The following GPC6 variants were observed in gnomAD, a reference collection of about 807,000 sequenced individuals.
GPC6 encodes the protein glypican-6.
A neutral mutation model predicts 55.2 loss-of-function variants in GPC6; 14 were observed. The observed-to-expected ratio is 0.25, with a 90% CI of 0.17 to 0.40. GPC6 has a LOEUF of 0.40. Ranked by LOEUF, GPC6 falls within the 10% of genes least tolerant of loss-of-function variation. GPC6 has a pLI of 1.00. For synonymous variants in GPC6, 278 were observed against 259.6 expected (o/e 1.07, Z -0.68); for missense variants, 641 against 708.5 (o/e 0.90, Z 1.08).
intron 1 of GPC6, among the ~76,000 whole-genome samples, chr13:93,412,204 G>A (rs1876527786): frequency 6.6e-6 from 1 of 152,010 alleles, no homozygotes; most frequent in African/African-American, 2.4e-5. Flanking sequence ...TAGCTTTATT[G>A]TACATATAAT....
At chr13:93,801,168 G>T (rs1886356202) in intron 2 of GPC6, among the ~76,000 whole-genome samples, 1 of 152,196 alleles carries the variant, frequency 6.6e-6, no homozygotes, top group Non-Finnish European at 1.5e-5. Flanking sequence ...TTTCTGGATT[G>T]AGTATCACAG....
intron 2 of GPC6, among the ~76,000 whole-genome samples, chr13:93,678,086 G>C (rs2138761112): frequency 1.3e-5 from 2 of 152,226 alleles, no homozygotes; most frequent in East Asian, 1.9e-4. Flanking sequence ...TTCTGTTTAT[G>C]TATCTGTTCA....
At chr13:93,334,664 A>AC (rs1420359840) in intron 1 of GPC6, among the ~76,000 whole-genome samples, 1 of 151,320 alleles carries the variant, frequency 6.6e-6, no homozygotes. Flanking sequence ...ACAGGGTTTC[A>AC]CCATCTTGGC....
intron 7 of GPC6, among the ~76,000 whole-genome samples, chr13:94,396,316 A>C (rs1026365901): frequency 3.3e-5 from 5 of 152,200 alleles, no homozygotes; most frequent in Admixed American, 6.5e-5. Context: ...ACGCACCCAG[A>C]TGGGTGCATG....
intron 1 of GPC6, among the ~76,000 whole-genome samples, chr13:93,328,293 G>A (rs746290068): frequency 1.5e-4 from 23 of 152,126 alleles, no homozygotes; most frequent in Admixed American, 3.3e-4. Flanking sequence ...GTGTATGTGT[G>A]TGTTATATTC....
intron 3 of GPC6, among the ~76,000 whole-genome samples, chr13:93,922,265 C>T (rs1262589767): frequency 6.6e-6 from 1 of 152,080 alleles, no homozygotes; most frequent in Non-Finnish European, 1.5e-5. Context: ...GCCTGGAACT[C>T]TCTCTAGTGG....
intron 1 of GPC6, among the ~76,000 whole-genome samples, chr13:93,541,333 A>G (rs1882290217): frequency 7.1e-6 from 1 of 140,636 alleles, no homozygotes; most frequent in South Asian, 2.4e-4. Flanking sequence ...AATTTCATCC[A>G]TGTCCCTACA....
At chr13:94,294,591 A>G (rs2139096755) in intron 5 of GPC6, among the ~76,000 whole-genome samples, 1 of 152,248 alleles carries the variant, frequency 6.6e-6, no homozygotes, top group Non-Finnish European at 1.5e-5. Flanking sequence ...TATGAACATT[A>G]TAGCCTTGAT....
At chr13:93,243,720 C>G (rs771134537) in intron 1 of GPC6, among the ~76,000 whole-genome samples, 1 of 152,160 alleles carries the variant, frequency 6.6e-6, no homozygotes, top group Non-Finnish European at 1.5e-5. Context: ...TGAGCGGGCT[C>G]AAGTCCTCCT....
chr13:93,335,728 G>T (rs1215967644), intron 1 of GPC6, among the ~76,000 whole-genome samples: 1 of 152,118 alleles, frequency 6.6e-6, no homozygotes, highest in African/African-American at 2.4e-5. Context: ...ATTTGTACCT[G>T]CTGACCTTCC....
intron 1 of GPC6, among the ~76,000 whole-genome samples, chr13:93,409,233 C>A (rs998739888): frequency 2.0e-5 from 3 of 151,704 alleles, no homozygotes; most frequent in South Asian, 2.1e-4. Context: ...TGCCAGCCAG[C>A]TGGCAGCTGC....
At chr13:93,809,554 C>A (rs866361788) in intron 2 of GPC6, among the ~76,000 whole-genome samples, 1 of 152,152 alleles carries the variant, frequency 6.6e-6, no homozygotes, top group Non-Finnish European at 1.5e-5. Flanking sequence ...CTTCTTGTCC[C>A]CCATCAGTTT....
At position 93,934,196 on chromosome 13, in the gene GPC6, A is replaced by G. The variant is rs949695742; in HGVS notation, c.712-93533A>G. 1.2e-4 allele frequency among the ~76,000 whole-genome samples: 19 copies of G among 152,268 alleles called. No individual in the cohort carries two copies. The South Asian group carries it at 2.9e-3, about 23-fold the overall frequency. On this transcript the variant is annotated intron_variant, in intron 3 of 8. Transcript: ENST00000377047. ...ATCCCATAGCCTTGTGCTATTCAGT[A>G]TGATAGCCATTCGCCACATGTAGTT...
chr13:93,330,981 T>C (rs967538371), intron 1 of GPC6, among the ~76,000 whole-genome samples: 2 of 152,192 alleles, frequency 1.3e-5, no homozygotes, highest in Non-Finnish European at 2.9e-5. Flanking sequence ...GGGGAAGTAA[T>C]CATGTTTGCT....
chr13:94,055,315 A>G (rs908515438), intron 4 of GPC6, among the ~76,000 whole-genome samples: 2 of 152,200 alleles, frequency 1.3e-5, no homozygotes, highest in African/African-American at 4.8e-5. Context: ...ATAATATTGC[A>G]AACTGTGGTC....
intron 1 of GPC6, among the ~76,000 whole-genome samples, chr13:93,462,344 A>G (rs1167657694): frequency 2.0e-5 from 3 of 152,256 alleles, no homozygotes; most frequent in Non-Finnish European, 2.9e-5. Flanking sequence ...CTATCACACC[A>G]AATTACCAGT....
chr13:93,530,807 T>C (rs1881838560), intron 1 of GPC6, among the ~76,000 whole-genome samples: 1 of 152,172 alleles, frequency 6.6e-6, no homozygotes, highest in Non-Finnish European at 1.5e-5. Flanking sequence ...AAATACTACA[T>C]AGAAGACACT....
intron 3 of GPC6, among the ~76,000 whole-genome samples, chr13:93,900,279 T>TA (rs1291467653): frequency 6.6e-6 from 1 of 152,096 alleles, no homozygotes; most frequent in Non-Finnish European, 1.5e-5. Flanking sequence ...TTGGGGCACA[T>TA]AAAAAAAGCC....
chr13:94,027,826 G>C lies in GPC6; in HGVS notation c.809G>C (p.Cys270Ser). 1 of 1,614,072 alleles carries C rather than the reference G, an allele frequency of 6.2e-7. No homozygotes were observed. The highest frequency in any genetic ancestry group is 8.5e-7 in the Non-Finnish European group (1 of 1,179,984). ...ACTGTGAGGCCCTGCAACAACTACT[G>C]TCTCAACGTCATGAAGGGCTGCTTG... ...LPTVRPCNNY[C>S]LNVMKGCLAN... The change falls in exon 4 of 9, where the codon TGT becomes TCT. Residue 270 changes from cysteine (C) to serine (S), a missense_variant. Transcript: ENST00000377047.
Sources: gnomAD v4.1 joint callset for allele counts (sites outside exome capture counted in the v4.1 genomes callset) on GRCh38, gnomAD v4.1.1 for gene constraint, MANE v1.5 for transcripts, NCBI Gene and HGNC (gene_info 2026-07-23, HGNC 2026-07-21) for gene names.